The following SPATA7 variants were observed in gnomAD, a reference collection of about 807,000 sequenced individuals.
SPATA7 encodes the protein spermatogenesis associated 7, also known as spermatogenesis-associated protein 7.
SPATA7 carries 43 observed loss-of-function variants against 51.8 expected under a neutral mutation model. The ratio of observed to expected loss-of-function variants is 0.83; its 90% CI spans 0.65 to 1.07. The LOEUF is 1.07. Among genes scored for constraint, SPATA7 ranks in the 50% least tolerant of loss-of-function variants. SPATA7 has a pLI of 0.00. For missense variants in SPATA7, 683 were observed against 701.3 expected (o/e 0.97, Z 0.30); for synonymous variants, 230 against 252.8 (o/e 0.91, Z 0.86).
intron 4 of SPATA7, among the ~76,000 whole-genome samples, chr14:88,464,897 C>T (rs987900779): frequency 1.3e-5 from 2 of 152,102 alleles, no homozygotes; most frequent in African/African-American, 4.8e-5. Flanking sequence ...TTTAACATCT[C>T]AACCCTTCTG....
intron 8 of SPATA7, among the ~76,000 whole-genome samples, chr14:88,430,331 G>A (rs1252116217): frequency 6.6e-6 from 1 of 151,956 alleles, no homozygotes; most frequent in Non-Finnish European, 1.5e-5. Flanking sequence ...AATTTCTGAT[G>A]TTTCAACACA....
Position 88,391,353 on chromosome 14 carries a change from A to G in SPATA7, c.20-28A>G, listed in dbSNP as rs1595171568. 1.2e-5 allele frequency: 19 copies of G among 1,572,542 alleles called. 1 individual carries two copies. The East Asian group carries it at 4.3e-4, about 35-fold the overall frequency. ...TAAAAGTTGTGTTTCATTTATCCTA[A>G]TTTATGATTTTTTTTTCTTGTTAAA... On this transcript the variant is annotated intron_variant, in intron 1 of 11. Transcript: ENST00000393545.
At position 88,418,006 on chromosome 14, in the gene SPATA7, A is replaced by G. The variant is rs139506242; in HGVS notation, c.372+1162A>G. Reference sequence around the variant, plus strand: ...TTTAAGTCATTATAGAATGATTTCAATGTTAGATTTATGTAGGAAGTTGTT... The same window carrying G: ...TTTAAGTCATTATAGAATGATTTCAGTGTTAGATTTATGTAGGAAGTTGTT... On this transcript the variant is annotated intron_variant, in intron 5 of 11. Transcript: ENST00000393545. 1.1e-3 allele frequency among the ~76,000 whole-genome samples: 174 copies of G among 152,306 alleles called. 2 individuals carry two copies. The East Asian group carries it at 0.023, about 20-fold the overall frequency.
intron 4 of SPATA7, among the ~76,000 whole-genome samples, chr14:88,414,378 T>C (rs903666149): frequency 1.3e-5 from 2 of 152,158 alleles, no homozygotes; most frequent in Non-Finnish European, 2.9e-5. Flanking sequence ...AAGGATCTTT[T>C]CTATTTCTGT....
intron 3 of SPATA7, among the ~76,000 whole-genome samples, chr14:88,452,628 A>G (rs377173408): frequency 1.8e-4 from 27 of 152,250 alleles, no homozygotes; most frequent in Admixed American, 1.4e-3. Flanking sequence ...AAAGTTCACA[A>G]TGTGGGTTTC....
chr14:88,399,023 G>A (rs1412551110), intron 4 of SPATA7, among the ~76,000 whole-genome samples: 3 of 148,998 alleles, frequency 2.0e-5, no homozygotes, highest in African/African-American at 7.5e-5. Context: ...CTGCACTCCA[G>A]CCTGGGCAAC....
At chr14:88,417,676 G>A (rs1403106148) in intron 5 of SPATA7, among the ~76,000 whole-genome samples, 2 of 152,102 alleles carry the variant, frequency 1.3e-5, no homozygotes, top group African/African-American at 4.8e-5. Flanking sequence ...TTGCATTCCT[G>A]TTGTAAACAG....
intron 9 of SPATA7, 177 bp from the exon 10 acceptor site, chr14:88,432,958 T>G: frequency 1.7e-6 from 1 of 585,510 alleles, no homozygotes; most frequent in Non-Finnish European, 3.0e-6. Flanking sequence ...ATATTTATCC[T>G]TGCATAATTT....
intron 5 of SPATA7, among the ~76,000 whole-genome samples, chr14:88,422,228 A>G (rs1375559388): frequency 6.6e-6 from 1 of 152,062 alleles, no homozygotes; most frequent in East Asian, 1.9e-4. Context: ...GTGTCAGCAA[A>G]GAGGTCTGGG....
chr14:88,428,151 C>G (rs2076847415), intron 7 of SPATA7: 2 of 151,940 alleles, frequency 1.3e-5, no homozygotes, highest in Admixed American at 1.3e-4. Flanking sequence ...ATGTTTGCCT[C>G]TGCTTTTTCT....
chr14:88,463,319 T>C (rs1215049963), intron 4 of SPATA7, among the ~76,000 whole-genome samples: 3 of 152,210 alleles, frequency 2.0e-5, no homozygotes, highest in Non-Finnish European at 4.4e-5. Flanking sequence ...CCTGCTCACA[T>C]TATAAGGCCC....
chr14:88,398,498 AGGGATAGCATTGGGAGATATAC>A (rs1249012765), intron 4 of SPATA7, among the ~76,000 whole-genome samples: 1 of 83,984 alleles, frequency 1.2e-5, no homozygotes, highest in Admixed American at 1.6e-4. Context: ...GGGAGGGGGG[AGGGATAGCATTGGGAGATATAC>A]CTAATGCTAG....
intron 4 of SPATA7, among the ~76,000 whole-genome samples, chr14:88,463,664 A>G (rs1015916878): frequency 1.2e-4 from 18 of 152,148 alleles, no homozygotes; most frequent in African/African-American, 9.7e-5. Context: ...AAATATTACT[A>G]AAAGTCAACA....
chr14:88,429,267 A>G (rs1465806716), intron 7 of SPATA7, 81 bp from the exon 8 acceptor site: 3 of 748,872 alleles, frequency 4.0e-6, no homozygotes, highest in Non-Finnish European at 7.3e-6. Context: ...CTGTTCAATC[A>G]CTTAAAATTT....
intron 4 of SPATA7, among the ~76,000 whole-genome samples, chr14:88,400,725 C>G (rs567660330): frequency 6.6e-6 from 1 of 152,252 alleles, no homozygotes; most frequent in East Asian, 1.9e-4. Context: ...ATCCCAGCTA[C>G]TCAGGAGGCT....
intron 8 of SPATA7, among the ~76,000 whole-genome samples, chr14:88,429,861 G>A (rs1451095675): frequency 2.0e-5 from 3 of 151,076 alleles, no homozygotes; most frequent in African/African-American, 7.3e-5. Flanking sequence ...ATATCCTAGT[G>A]CTTGACCAAT....
downstream of SPATA7, among the ~76,000 whole-genome samples, chr14:88,440,015 T>G (rs575936816): frequency 6.6e-6 from 1 of 152,274 alleles, no homozygotes; most frequent in South Asian, 2.1e-4. Context: ...AGCCTGGGTC[T>G]CCCCATCTGT....
At chr14:88,413,267 TTAGA>T (rs2076390244) in intron 4 of SPATA7, among the ~76,000 whole-genome samples, 2 of 152,184 alleles carry the variant, frequency 1.3e-5, no homozygotes, top group Admixed American at 1.3e-4. Context: ...CTTCACCTCC[TTAGA>T]TATTTTCCTA....
In SPATA7 at chr14:88,387,113, C is replaced by T. The variant is rs1381497053; in HGVS notation, c.19+1276C>T. Among the ~76,000 whole-genome samples, 7 of 152,224 alleles carry T rather than the reference C, an allele frequency of 4.6e-5. No homozygotes were observed. The East Asian group carries it at 1.4e-3, about 29-fold the overall frequency. On this transcript the variant is annotated intron_variant, in intron 1 of 11. Coordinates refer to ENST00000393545, the MANE Select transcript of SPATA7 (RefSeq NM_018418.5). ...AAGCAAAAGATCACAAATAACTTGC[C>T]AAGATCACAGCGGCAGAACAGGATT...
Sources: allele counts gnomAD v4.1 joint callset (sites outside exome capture counted in the v4.1 genomes callset), GRCh38; gene constraint gnomAD v4.1.1; transcripts MANE v1.5; gene names NCBI Gene and HGNC (gene_info 2026-07-23, HGNC 2026-07-21).